The following MDGA2 variants were observed in gnomAD, a reference collection of about 807,000 sequenced individuals.
MDGA2 encodes the protein MAM domain containing glycosylphosphatidylinositol anchor 2.
In MDGA2, 40 loss-of-function variants were observed where a neutral mutation model predicts 117.8. That is an observed-to-expected ratio of 0.34 (90% CI 0.26 to 0.44). The LOEUF (loss-of-function observed/expected upper bound fraction) is 0.44, where lower values mean the gene tolerates loss of function less well. Among genes scored for constraint, MDGA2 ranks in the 20% least tolerant of loss-of-function variants. The probability of loss-of-function intolerance (pLI) is 1.00; values close to 1 mark genes in which losing one functional copy is unlikely to be tolerated. For synonymous variants in MDGA2, 452 were observed against 439.0 expected (o/e 1.03, Z -0.37); for missense variants, 1,123 against 1,250.6 (o/e 0.90, Z 1.54).
intron 1 of MDGA2, among the ~76,000 whole-genome samples, chr14:47,565,171 G>A (rs1895893229): frequency 6.6e-6 from 1 of 152,204 alleles, no homozygotes; most frequent in Non-Finnish European, 1.5e-5. Flanking sequence ...GCAGTCATTT[G>A]GAGGTGAGAA....
intron 2 of MDGA2, among the ~76,000 whole-genome samples, chr14:47,260,866 T>A (rs1041782235): frequency 1.3e-5 from 2 of 152,012 alleles, no homozygotes; most frequent in African/African-American, 4.8e-5. Flanking sequence ...GTCCATAGCA[T>A]TACTAAAGAA....
chr14:47,444,729 TTGA>T (rs1893085566), intron 1 of MDGA2, among the ~76,000 whole-genome samples: 1 of 152,154 alleles, frequency 6.6e-6, no homozygotes, highest in African/African-American at 2.4e-5. Context: ...AAGGGTGAAC[TTGA>T]TGACGGTAAG....
chr14:46,889,318 T>C (rs994592748), intron 10 of MDGA2, among the ~76,000 whole-genome samples: 1 of 152,108 alleles, frequency 6.6e-6, no homozygotes, highest in Non-Finnish European at 1.5e-5. Flanking sequence ...TTGCTTATCA[T>C]ACTTTGCTCG....
At chr14:47,587,619 A>G (rs1301795070) in intron 1 of MDGA2, among the ~76,000 whole-genome samples, 1 of 151,936 alleles carries the variant, frequency 6.6e-6, no homozygotes, top group Non-Finnish European at 1.5e-5. Flanking sequence ...ATGTTGAGGT[A>G]GCACTCCTAA....
At chr14:46,844,912 T>C (rs1880766077) in intron 16 of MDGA2, among the ~76,000 whole-genome samples, 1 of 152,060 alleles carries the variant, frequency 6.6e-6, no homozygotes, top group African/African-American at 2.4e-5. Context: ...GACAGACTCT[T>C]GCTCTGTCGC....
intron 1 of MDGA2, among the ~76,000 whole-genome samples, chr14:47,472,507 G>A (rs1202170905): frequency 6.6e-6 from 1 of 152,146 alleles, no homozygotes; most frequent in Non-Finnish European, 1.5e-5. Flanking sequence ...AATCTTATGA[G>A]GCCACTGTCT....
At chr14:47,198,709 T>A (rs995592608) in intron 3 of MDGA2, among the ~76,000 whole-genome samples, 3 of 152,164 alleles carry the variant, frequency 2.0e-5, no homozygotes, top group Non-Finnish European at 4.4e-5. Context: ...TTCAGACTTT[T>A]ATTTTATAAG....
At chr14:47,337,969 C>A (rs1321468705) in intron 1 of MDGA2, among the ~76,000 whole-genome samples, 1 of 151,878 alleles carries the variant, frequency 6.6e-6, no homozygotes. Flanking sequence ...ACACACACAC[C>A]AGAACACTGC....
intron 1 of MDGA2, among the ~76,000 whole-genome samples, chr14:47,653,244 A>G (rs1897678320): frequency 6.6e-6 from 1 of 152,170 alleles, no homozygotes; most frequent in Non-Finnish European, 1.5e-5. Context: ...TGATTTTTCC[A>G]GGAGAATAGA....
At chr14:47,032,357 C>G (rs567284797) in intron 8 of MDGA2, among the ~76,000 whole-genome samples, 1 of 152,028 alleles carries the variant, frequency 6.6e-6, no homozygotes, top group Admixed American at 6.6e-5. Context: ...GAGGCCGAGG[C>G]AGGAAGATTG....
intron 1 of MDGA2, among the ~76,000 whole-genome samples, chr14:47,647,810 G>A (rs904978638): frequency 2.6e-5 from 4 of 152,048 alleles, no homozygotes; most frequent in Non-Finnish European, 5.9e-5. Context: ...TATATACATT[G>A]TAGCATCTTT....
intron 8 of MDGA2, among the ~76,000 whole-genome samples, chr14:47,027,840 A>G (rs1366428049): frequency 6.6e-6 from 1 of 151,962 alleles, no homozygotes; most frequent in African/African-American, 2.4e-5. Context: ...CATTCTGGAA[A>G]ATAATGTTTA....
intron 1 of MDGA2, among the ~76,000 whole-genome samples, chr14:47,430,459 C>T (rs1204022025): frequency 6.6e-6 from 1 of 152,058 alleles, no homozygotes; most frequent in Non-Finnish European, 1.5e-5. Flanking sequence ...CTGCGTTTCT[C>T]ATACTTCATT....
intron 14 of MDGA2, among the ~76,000 whole-genome samples, chr14:46,861,518 G>C (rs1262893298): frequency 1.3e-5 from 2 of 151,810 alleles, no homozygotes; most frequent in African/African-American, 4.8e-5. Flanking sequence ...AAAGAAGCCA[G>C]GTGTAAATTA....
chr14:47,632,591 A>C (rs1897260353), intron 1 of MDGA2, among the ~76,000 whole-genome samples: 1 of 152,216 alleles, frequency 6.6e-6, no homozygotes, highest in African/African-American at 2.4e-5. Context: ...TGTTATCTTA[A>C]AAGATCCTTC....
At chr14:46,962,096 T>A (rs915434108) in intron 8 of MDGA2, among the ~76,000 whole-genome samples, 1 of 152,192 alleles carries the variant, frequency 6.6e-6, no homozygotes, top group African/African-American at 2.4e-5. Flanking sequence ...TGCTGATGAC[T>A]AAAATGATGG....
intron 14 of MDGA2, among the ~76,000 whole-genome samples, chr14:46,857,190 C>A (rs1474089257): frequency 6.6e-6 from 1 of 152,134 alleles, no homozygotes; most frequent in African/African-American, 2.4e-5. Flanking sequence ...TATGGCGTTT[C>A]AATTTCCACT....
intron 5 of MDGA2, among the ~76,000 whole-genome samples, chr14:47,129,244 C>A (rs943101314): frequency 6.6e-6 from 1 of 151,688 alleles, no homozygotes; most frequent in Non-Finnish European, 1.5e-5. Flanking sequence ...ATAGCTCCCC[C>A]CCCGACCCCA....
At chr14:47,185,105 A>G (rs1330044390) in intron 3 of MDGA2, among the ~76,000 whole-genome samples, 1 of 151,122 alleles carries the variant, frequency 6.6e-6, no homozygotes, top group Non-Finnish European at 1.5e-5. Flanking sequence ...TACAAGAGAC[A>G]TACATAAAAT....
Sources: allele counts gnomAD v4.1 joint callset (sites outside exome capture counted in the v4.1 genomes callset), GRCh38; gene constraint gnomAD v4.1.1; transcripts MANE v1.5; gene names NCBI Gene and HGNC (gene_info 2026-07-23, HGNC 2026-07-21).